Variants in CAMK2D observed in about 807,000 individuals in gnomAD.
CAMK2D encodes the protein calcium/calmodulin-dependent protein kinase type II subunit delta.
Under a neutral mutation model 84.0 loss-of-function variants are expected in CAMK2D, and 37 were observed. The observed-to-expected ratio is 0.44, with a 90% CI of 0.34 to 0.58. CAMK2D has a LOEUF of 0.58. Among genes scored for constraint, CAMK2D ranks in the 20% least tolerant of loss-of-function variants. The pLI, the probability that CAMK2D is intolerant of heterozygous loss-of-function variation, is 0.02. For synonymous variants in CAMK2D, 202 were observed against 212.5 expected, an observed-to-expected ratio of 0.95 and a Z score of 0.43; for missense variants, 448 against 652.5, an observed-to-expected ratio of 0.69 and a Z score of 3.41.
chr4:113,696,308 G>A (rs1362452213), intron 2 of CAMK2D, among the ~76,000 whole-genome samples: 1 of 151,342 alleles, frequency 6.6e-6, no homozygotes, highest in Non-Finnish European at 1.5e-5. Flanking sequence ...CATACTTCTA[G>A]TTTACTTAGG....
intron 2 of CAMK2D, among the ~76,000 whole-genome samples, chr4:113,752,109 C>T (rs888913754): frequency 6.6e-6 from 1 of 151,602 alleles, no homozygotes; most frequent in African/African-American, 2.4e-5. Context: ...GATTAGCTCT[C>T]GGGGAGATAC....
chr4:113,660,817 C>CA (rs1473831827), intron 3 of CAMK2D, among the ~76,000 whole-genome samples: 1 of 133,128 alleles, frequency 7.5e-6, no homozygotes, highest in African/African-American at 2.9e-5. Context: ...TTTTTTGAGA[C>CA]AGAGTCTCGC....
intron 4 of CAMK2D, among the ~76,000 whole-genome samples, chr4:113,588,867 T>C (rs1317096868): frequency 1.5e-5 from 2 of 134,692 alleles, no homozygotes; most frequent in Admixed American, 1.5e-4. Flanking sequence ...TTCATGGTAG[T>C]TTAATAGTGG....
At position 113,700,332 on chromosome 4, in the gene CAMK2D, G is replaced by A. The variant is rs77226328; in HGVS notation, c.161-38560C>T. On this transcript the variant is annotated intron_variant, in intron 2 of 20. Coordinates refer to ENST00000511664, the MANE Select transcript of CAMK2D (RefSeq NM_001321571.2). ...AGACCAAGGAGGGATAAATTCTTTC[G>A]GGTTGAGAAAAATCACCATATACTG... Among the ~76,000 whole-genome samples the A allele has an allele frequency of 5.3e-3, 801 of 152,090 alleles. 7 individuals are homozygous for A. Among genetic ancestry groups the A allele is most frequent in the African/African-American group, 0.018 (759 of 41,494 alleles).
At chr4:113,647,019 A>T (rs1035091525) in intron 3 of CAMK2D, among the ~76,000 whole-genome samples, 43 of 152,244 alleles carry the variant, frequency 2.8e-4, no homozygotes, top group South Asian at 4.1e-4. Context: ...ATAATTTTTT[A>T]AAAAATTTCA....
Position 113,761,677 on chromosome 4 carries a change from C to A in CAMK2D, c.-609G>T. On this transcript the variant is annotated 5_prime_UTR_variant, in exon 1 of 21. Coordinates refer to ENST00000511664, the MANE Select transcript of CAMK2D (RefSeq NM_001321571.2). ...GCAGCGGCTCCGGCGAAGCGAGGCA[C>A]CTTGGCGGCCTCGCGCTGCTCACGA... 1.0e-6 allele frequency: 1 copy of A among 984,108 alleles called. No homozygotes were observed. Among genetic ancestry groups the A allele is most frequent in the Non-Finnish European group, 1.2e-6 (1 of 828,850 alleles). 61.0% of individuals were successfully genotyped at this position (984,108 alleles called of 1,614,324 possible).
chr4:113,710,769 T>A (rs1371354379), intron 2 of CAMK2D, among the ~76,000 whole-genome samples: 1 of 152,162 alleles, frequency 6.6e-6, no homozygotes, highest in African/African-American at 2.4e-5. Context: ...GAGTTTGTCC[T>A]ATTTTCAGAG....
chr4:113,457,268 T>C (rs942315936), intron 19 of CAMK2D, 67 bp downstream of exon 19: 32 of 1,585,838 alleles, frequency 2.0e-5, no homozygotes, highest in Non-Finnish European at 2.7e-5. Context: ...CTATTAACAA[T>C]GGAATAAGTA....
intron 16 of CAMK2D, among the ~76,000 whole-genome samples, chr4:113,472,162 A>G (rs1463254584): frequency 1.3e-5 from 2 of 152,208 alleles, no homozygotes; most frequent in East Asian, 3.9e-4. Context: ...TCATATATCT[A>G]ACTAGAACTT....
chr4:113,610,080 G>A (rs1277437359), intron 3 of CAMK2D, among the ~76,000 whole-genome samples: 1 of 150,448 alleles, frequency 6.6e-6, no homozygotes, highest in Non-Finnish European at 1.5e-5. Context: ...TTTAGCTTCA[G>A]GTGTACATGT....
chr4:113,522,790 T>A (rs1465553413), intron 8 of CAMK2D, among the ~76,000 whole-genome samples: 1 of 152,204 alleles, frequency 6.6e-6, no homozygotes, highest in Non-Finnish European at 1.5e-5. Context: ...ATTATAAAGA[T>A]AAATAATTAA....
intron 3 of CAMK2D, among the ~76,000 whole-genome samples, chr4:113,626,612 T>C (rs2099069269): frequency 6.6e-6 from 1 of 152,178 alleles, no homozygotes; most frequent in Non-Finnish European, 1.5e-5. Context: ...ATAGAAGCAC[T>C]TGACTGGATC....
rs189404986 is a variant in CAMK2D at position 113,525,184 on chromosome 4, A to G, written c.601+6032T>C. On this transcript the variant is annotated intron_variant, in intron 8 of 20. Coordinates refer to ENST00000511664, the MANE Select transcript of CAMK2D (RefSeq NM_001321571.2). ...AAATTCCCAAGGTTTGTCCGAAGTC[A>G]AGGTACATTTGTGACAGCCACTAAT... Among the ~76,000 whole-genome samples, 97 of 152,324 alleles carry G rather than the reference A, an allele frequency of 6.4e-4. 4 individuals carry two copies. Among genetic ancestry groups the G allele is most frequent in the African/African-American group, 2.1e-3 (89 of 41,580 alleles).
intron 14 of CAMK2D, 130 bp downstream of exon 14, chr4:113,504,846 A>T (rs1169789014): frequency 5.5e-6 from 2 of 362,478 alleles, no homozygotes; most frequent in Non-Finnish European, 9.5e-6. Context: ...AAAAAAAAAA[A>T]CAAAACCCAA....
chr4:113,607,205 A>G (rs1423513051), intron 4 of CAMK2D, among the ~76,000 whole-genome samples: 3 of 152,228 alleles, frequency 2.0e-5, no homozygotes, highest in Non-Finnish European at 4.4e-5. Flanking sequence ...TGGAAAAAGT[A>G]AAAACAAGAG....
intron 4 of CAMK2D, among the ~76,000 whole-genome samples, chr4:113,563,411 T>A (rs1449414664): frequency 1.3e-5 from 2 of 152,220 alleles, no homozygotes; most frequent in African/African-American, 4.8e-5. Context: ...TTTTCTTTCA[T>A]TGAGAGCTTT....
At chr4:113,644,437 G>A (rs1324097756) in intron 3 of CAMK2D, among the ~76,000 whole-genome samples, 3 of 152,202 alleles carry the variant, frequency 2.0e-5, no homozygotes, top group African/African-American at 7.2e-5. Context: ...GAAGCCTTGA[G>A]TAGTCTCAGC....
intron 13 of CAMK2D, among the ~76,000 whole-genome samples, chr4:113,506,895 C>T (rs2098134737): frequency 6.7e-6 from 1 of 149,868 alleles, no homozygotes. Context: ...ACATGTTCCC[C>T]CCCCCACACA....
chr4:113,533,747 A>G (rs1590846827), intron 7 of CAMK2D, among the ~76,000 whole-genome samples: 1 of 152,020 alleles, frequency 6.6e-6, no homozygotes, highest in Non-Finnish European at 1.5e-5. Flanking sequence ...ATATATTTGA[A>G]TATTTCTTTT....
Sources: allele counts gnomAD v4.1 joint callset (sites outside exome capture counted in the v4.1 genomes callset), GRCh38; gene constraint gnomAD v4.1.1; transcripts MANE v1.5; gene names NCBI Gene and HGNC (gene_info 2026-07-23, HGNC 2026-07-21).